NBAS: variants seen among roughly 807,000 people sequenced by gnomAD.
NBAS encodes NBAS subunit of NRZ tethering complex, also known as NAG/BC035112 fusion.
NBAS carries 219 observed loss-of-function variants against 302.5 expected under a neutral mutation model. The ratio of observed to expected loss-of-function variants is 0.72; its 90% CI spans 0.65 to 0.81. NBAS has a LOEUF of 0.81. Among genes scored for constraint, NBAS ranks in the 30% least tolerant of loss-of-function variants. The pLI is 0.00. For missense variants in NBAS, 2,932 were observed against 2,841.6 expected (o/e 1.03, Z -0.72); for synonymous variants, 1,118 against 1,021.6 (o/e 1.09, Z -1.80).
At chr2:15,111,924 T>C in the NBAS span, among the ~76,000 whole-genome samples, 3 of 147,730 alleles carry the variant, frequency 2.0e-5, no homozygotes, top group Non-Finnish European at 4.5e-5. Context: ...TAAATATTAA[T>C]ATATTAATTC....
At chr2:15,368,034 C>T (rs1395469398) in intron 31 of NBAS, among the ~76,000 whole-genome samples, 1 of 152,044 alleles carries the variant, frequency 6.6e-6, no homozygotes, top group Non-Finnish European at 1.5e-5. Flanking sequence ...ATTTATAATA[C>T]ACATATATAC....
At chr2:15,249,220 A>G (rs188821291) in intron 44 of NBAS, among the ~76,000 whole-genome samples, 229 of 152,276 alleles carry the variant, frequency 1.5e-3, no homozygotes, top group African/African-American at 5.3e-3. Context: ...AAACCACATG[A>G]TTATCTCAAT....
chr2:15,315,350 A>G (rs528098732), intron 38 of NBAS, among the ~76,000 whole-genome samples: 1 of 152,336 alleles, frequency 6.6e-6, no homozygotes, highest in East Asian at 1.9e-4. Flanking sequence ...AGTGTACGGG[A>G]GTGAACGGAG....
intron 42 of NBAS, among the ~76,000 whole-genome samples, chr2:15,285,512 C>T (rs1016759008): frequency 6.6e-6 from 1 of 152,188 alleles, no homozygotes; most frequent in African/African-American, 2.4e-5. Context: ...CACAACATCA[C>T]TATTTCTCAT....
At chr2:15,329,443 C>T (rs575584147) in intron 36 of NBAS, among the ~76,000 whole-genome samples, 9 of 152,290 alleles carry the variant, frequency 5.9e-5, no homozygotes, top group South Asian at 4.1e-4. Flanking sequence ...CTTCTCTCAC[C>T]GGGAGGACTG....
chr2:14,786,014 A>C, the NBAS span, among the ~76,000 whole-genome samples: 1 of 152,180 alleles, frequency 6.6e-6, no homozygotes, highest in Non-Finnish European at 1.5e-5. Context: ...TTATTGGTCT[A>C]TTCAGAGATT....
intron 12 of NBAS, among the ~76,000 whole-genome samples, chr2:15,486,590 C>A (rs1024507608): frequency 1.3e-5 from 2 of 152,188 alleles, no homozygotes; most frequent in Non-Finnish European, 2.9e-5. Flanking sequence ...AGCCTGAATG[C>A]CTCTCTTCCT....
the NBAS span, among the ~76,000 whole-genome samples, chr2:15,057,735 A>G: frequency 6.6e-6 from 1 of 152,196 alleles, no homozygotes; most frequent in Admixed American, 6.5e-5. Context: ...TCTCATTCAG[A>G]TCATTGCAAA....
intron 44 of NBAS, among the ~76,000 whole-genome samples, chr2:15,264,685 C>T (rs189386045): frequency 6.9e-4 from 105 of 152,250 alleles, no homozygotes; most frequent in African/African-American, 4.3e-4. Flanking sequence ...TCATAAAACA[C>T]GGGAGCAGTT....
the NBAS span, among the ~76,000 whole-genome samples, chr2:15,034,278 G>GAAAAAA: frequency 7.8e-6 from 1 of 127,392 alleles, no homozygotes; most frequent in Non-Finnish European, 1.7e-5. Context: ...GAAAGAAAGA[G>GAAAAAA]AGAAAGAAAG....
the NBAS span, among the ~76,000 whole-genome samples, chr2:15,014,621 GC>G: frequency 6.6e-6 from 1 of 151,920 alleles, no homozygotes; most frequent in Non-Finnish European, 1.5e-5. Flanking sequence ...ATGGGACACA[GC>G]AAAAGCAGTA....
the NBAS span, among the ~76,000 whole-genome samples, chr2:14,838,590 T>C: frequency 1.3e-5 from 2 of 152,068 alleles, no homozygotes; most frequent in Admixed American, 1.3e-4. Context: ...TTTATTTACA[T>C]TGTCTTGTCT....
chr2:15,524,391 T>C (rs551139309), intron 9 of NBAS, among the ~76,000 whole-genome samples: 20 of 152,324 alleles, frequency 1.3e-4, no homozygotes, highest in African/African-American at 4.8e-4. Context: ...TGTGATGATA[T>C]AGATTGTGTG....
rs531707811 is a variant in NBAS at position 15,481,538 on chromosome 2, A to T, written c.1084-3249T>A. 2.0e-5 allele frequency among the ~76,000 whole-genome samples: 3 copies of T among 152,242 alleles called. No individual in the cohort carries two copies. The East Asian group carries it at 5.8e-4, about 29-fold the overall frequency. On this transcript the variant is annotated intron_variant, in intron 12 of 51. Transcript: ENST00000281513. Reference sequence around the variant, plus strand: ...TGGCACCATGTGAATACATTTCAAGAAGCAACCTCCATGCCACTTCTCTGT... The same window carrying T: ...TGGCACCATGTGAATACATTTCAAGTAGCAACCTCCATGCCACTTCTCTGT...
At chr2:15,498,752 T>G (rs1197170298) in intron 11 of NBAS, among the ~76,000 whole-genome samples, 2 of 150,146 alleles carry the variant, frequency 1.3e-5, no homozygotes, top group Non-Finnish European at 3.0e-5. Context: ...TCGTGCTCGC[T>G]CTCTCTCTCT....
At chr2:15,017,276 A>G in the NBAS span, among the ~76,000 whole-genome samples, 36 of 152,100 alleles carry the variant, frequency 2.4e-4, no homozygotes, top group African/African-American at 8.2e-4. Flanking sequence ...TTATGAATAA[A>G]ATCTCAAAAG....
At chr2:15,348,117 A>G (rs1168716994) in intron 35 of NBAS, among the ~76,000 whole-genome samples, 1 of 152,242 alleles carries the variant, frequency 6.6e-6, no homozygotes, top group East Asian at 1.9e-4. Flanking sequence ...TCTTATAGCT[A>G]AGCACTATAT....
chr2:15,245,596 C>G lies in NBAS; in HGVS notation c.5725-6910G>C, dbSNP rs566082102. Among the ~76,000 whole-genome samples, 5 of 141,292 alleles carry G rather than the reference C, an allele frequency of 3.5e-5. No individual in the cohort carries two copies. The South Asian group carries it at 1.2e-3, about 33-fold the overall frequency. The allele number at this position is 141,292 out of a possible 152,430, so 92.7% of individuals were successfully genotyped here. On this transcript the variant is annotated intron_variant, in intron 44 of 51. Coordinates refer to ENST00000281513, the MANE Select transcript of NBAS (RefSeq NM_015909.4). ...TGGCTCATACATAACAAATGCCTCTCTGTTGAATGGAAGGATGGATGGATG... is the reference window on the plus strand; with the variant it reads ...TGGCTCATACATAACAAATGCCTCTGTGTTGAATGGAAGGATGGATGGATG...
chr2:15,231,023 C>T (rs1457061924), intron 47 of NBAS, among the ~76,000 whole-genome samples: 1 of 152,174 alleles, frequency 6.6e-6, no homozygotes, highest in East Asian at 1.9e-4. Flanking sequence ...GCCTTCTGTA[C>T]AGCGCTTCCC....
Sources: allele counts gnomAD v4.1 joint callset (sites outside exome capture counted in the v4.1 genomes callset), GRCh38; gene constraint gnomAD v4.1.1; transcripts MANE v1.5; gene names NCBI Gene and HGNC (gene_info 2026-07-23, HGNC 2026-07-21).